Variants in XKR4 observed in about 807,000 individuals in gnomAD.
XKR4 encodes XK related 4.
XKR4 carries 12 observed loss-of-function variants against 53.9 expected under a neutral mutation model. That is an observed-to-expected ratio of 0.22 (90% CI 0.14 to 0.36). The LOEUF (loss-of-function observed/expected upper bound fraction) is 0.36. Ranked by LOEUF, XKR4 falls within the 10% of genes least tolerant of loss-of-function variation. The probability of loss-of-function intolerance (pLI) is 1.00; values close to 1 mark genes in which losing one functional copy is unlikely to be tolerated. For synonymous variants in XKR4, 354 were observed against 362.4 expected, an observed-to-expected ratio of 0.98 and a Z score of 0.26; for missense variants, 799 against 859.5, an observed-to-expected ratio of 0.93 and a Z score of 0.88.
intron 2 of XKR4, among the ~76,000 whole-genome samples, chr8:55,444,506 C>A (rs567234224): frequency 1.1e-3 from 171 of 152,270 alleles, no homozygotes; most frequent in Non-Finnish European, 1.9e-3. Flanking sequence ...ATGTAAAGAA[C>A]TTTTAATAAT....
At chr8:55,282,086 C>G in intron 1 of XKR4, among the ~76,000 whole-genome samples, 2 of 152,182 alleles carry the variant, frequency 1.3e-5, no homozygotes, top group Admixed American at 1.3e-4. Flanking sequence ...TGGTCCAAAA[C>G]TCACTTGAGG....
chr8:55,170,389 A>G (rs1240264473), intron 1 of XKR4, among the ~76,000 whole-genome samples: 1 of 152,158 alleles, frequency 6.6e-6, no homozygotes, highest in Non-Finnish European at 1.5e-5. Context: ...AGGAATGGGG[A>G]GTCACAGGCA....
chr8:55,267,328 T>C (rs889673523), intron 1 of XKR4, among the ~76,000 whole-genome samples: 72 of 152,352 alleles, frequency 4.7e-4, no homozygotes, highest in African/African-American at 1.7e-3. Flanking sequence ...GTGACACTGT[T>C]GAGGCTGTAA....
In XKR4 at chr8:55,478,813, A is replaced by G. The variant is rs1456547325; in HGVS notation, c.1007-44468A>G. Reference sequence around the variant, plus strand: ...CAAAAGAGACAAAGAAGGCCATTACATAATGGTAAAGGGATCAATTCAACA... The same window carrying G: ...CAAAAGAGACAAAGAAGGCCATTACGTAATGGTAAAGGGATCAATTCAACA... On this transcript the variant is annotated intron_variant, in intron 2 of 2. Transcript: ENST00000327381. 3.3e-5 allele frequency among the ~76,000 whole-genome samples: 5 copies of G among 152,276 alleles called. No homozygotes were observed. The East Asian group carries it at 9.7e-4, about 29-fold the overall frequency.
intron 1 of XKR4, among the ~76,000 whole-genome samples, chr8:55,322,394 T>G (rs1803229263): frequency 6.6e-6 from 1 of 152,212 alleles, no homozygotes; most frequent in Non-Finnish European, 1.5e-5. Context: ...TGTTGAAAAT[T>G]TTCCTGTTTC....
chr8:55,497,151 C>T (rs927883070), intron 2 of XKR4, among the ~76,000 whole-genome samples: 2 of 152,210 alleles, frequency 1.3e-5, no homozygotes, highest in Non-Finnish European at 2.9e-5. Context: ...AAGCAAACTC[C>T]TGAACCGTAT....
intron 2 of XKR4, among the ~76,000 whole-genome samples, chr8:55,492,487 C>T (rs1009257446): frequency 1.3e-5 from 2 of 152,222 alleles, no homozygotes; most frequent in East Asian, 3.8e-4. Flanking sequence ...AAAACAGTCA[C>T]CATCCCCATT....
intron 1 of XKR4, among the ~76,000 whole-genome samples, chr8:55,345,914 CT>C (rs1003417507): frequency 1.1e-4 from 17 of 151,144 alleles, no homozygotes; most frequent in African/African-American, 2.4e-4. Flanking sequence ...AATTCATTCA[CT>C]TTTTTTTTGA....
At chr8:55,174,270 CCTAAGATGTCAAG>C (rs1341041751) in intron 1 of XKR4, among the ~76,000 whole-genome samples, 1 of 151,996 alleles carries the variant, frequency 6.6e-6, no homozygotes, top group Non-Finnish European at 1.5e-5. Context: ...AATCCATCAT[CCTAAGATGTCAAG>C]AGATCTGGCT....
intron 1 of XKR4, among the ~76,000 whole-genome samples, chr8:55,329,738 T>A (rs1418041758): frequency 6.6e-6 from 1 of 152,176 alleles, no homozygotes; most frequent in Non-Finnish European, 1.5e-5. Flanking sequence ...TTTAATCCAC[T>A]CATGCAAATA....
At chr8:55,303,422 C>A (rs2129377183) in intron 1 of XKR4, among the ~76,000 whole-genome samples, 1 of 152,218 alleles carries the variant, frequency 6.6e-6, no homozygotes. Flanking sequence ...AGGATTTTTG[C>A]ATCAATGTTC....
intron 1 of XKR4, among the ~76,000 whole-genome samples, chr8:55,224,106 T>A (rs1441218626): frequency 6.6e-6 from 1 of 152,318 alleles, no homozygotes; most frequent in Non-Finnish European, 1.5e-5. Flanking sequence ...CTACATTTTC[T>A]TTTTCCCTCC....
chr8:55,499,270 A>G (rs1328389762), intron 2 of XKR4, among the ~76,000 whole-genome samples: 1 of 152,218 alleles, frequency 6.6e-6, no homozygotes, highest in Non-Finnish European at 1.5e-5. Context: ...TGACATTATC[A>G]TTATTTTAAA....
At chr8:55,477,162 C>G (rs1299233070) in intron 2 of XKR4, among the ~76,000 whole-genome samples, 1 of 152,094 alleles carries the variant, frequency 6.6e-6, no homozygotes, top group Non-Finnish European at 1.5e-5. Context: ...AGACTGACAC[C>G]TCACACAGCC....
chr8:55,449,536 C>T, intron 2 of XKR4: 1 of 1,478,556 alleles, frequency 6.8e-7, no homozygotes, highest in Non-Finnish European at 9.4e-7. Context: ...AGCTCTGGAT[C>T]CGGTCCACCC....
Position 55,534,997 on chromosome 8 carries a change from A to C in XKR4, c.*10770A>C, listed in dbSNP as rs1807011291. 2 of 152,140 alleles carry C rather than the reference A, an allele frequency of 1.3e-5. 1 individual carries two copies. The highest frequency in any genetic ancestry group is 4.1e-4 in the South Asian group (2 of 4,832). 9.4% of individuals were successfully genotyped at this position (152,140 alleles called of 1,614,324 possible). On this transcript the variant is annotated 3_prime_UTR_variant, in exon 3 of 3. Transcript: ENST00000327381. ...TAGAGGAAAAATGAGAAGAGGAAGA[A>C]GCAGGGATTCTTTTTCTTGTGTTTT...
intron 1 of XKR4, among the ~76,000 whole-genome samples, chr8:55,256,570 T>G (rs111508207): frequency 1.3e-3 from 200 of 152,184 alleles, no homozygotes; most frequent in African/African-American, 4.7e-3. Context: ...AGAGTCTAAG[T>G]TCTTCATTTG....
At chr8:55,236,920 A>G (rs1818134867) in intron 1 of XKR4, among the ~76,000 whole-genome samples, 2 of 152,000 alleles carry the variant, frequency 1.3e-5, no homozygotes, top group African/African-American at 2.4e-5. Context: ...TATTCCTACC[A>G]TCTCATTTAA....
intron 2 of XKR4, among the ~76,000 whole-genome samples, chr8:55,404,780 T>C (rs140742737): frequency 6.6e-6 from 1 of 152,142 alleles, no homozygotes; most frequent in Non-Finnish European, 1.5e-5. Context: ...CAAAAGAAAA[T>C]AGATATCTAG....
Sources: allele counts gnomAD v4.1 joint callset (sites outside exome capture counted in the v4.1 genomes callset), GRCh38; gene constraint gnomAD v4.1.1; transcripts MANE v1.5; gene names NCBI Gene and HGNC (gene_info 2026-07-23, HGNC 2026-07-21).